The following GABRA1 variants were observed in gnomAD, a reference collection of about 807,000 sequenced individuals.
GABRA1 encodes the protein gamma-aminobutyric acid receptor subunit alpha-1.
A neutral mutation model predicts 48.9 loss-of-function variants in GABRA1; 9 were observed. That is an observed-to-expected ratio of 0.18 (90% confidence interval 0.11 to 0.32). The LOEUF (loss-of-function observed/expected upper bound fraction) is 0.32. GABRA1 is among the 10% of genes least tolerant of loss of function. The probability of loss-of-function intolerance (pLI) is 1.00; values close to 1 mark genes in which losing one functional copy is unlikely to be tolerated. For missense variants in GABRA1, 285 were observed against 553.8 expected (o/e 0.51, Z 4.87); for synonymous variants, 210 against 198.7 (o/e 1.06, Z -0.48).
At chr5:161,861,866 C>T (rs542009456) in intron 3 of GABRA1, among the ~76,000 whole-genome samples, 1 of 151,910 alleles carries the variant, frequency 6.6e-6, no homozygotes, top group African/African-American at 2.4e-5. Flanking sequence ...TAATATTAGT[C>T]CATTTAGTCT....
At chr5:161,854,513 A>T (rs1757572472) in intron 3 of GABRA1, among the ~76,000 whole-genome samples, 1 of 151,730 alleles carries the variant, frequency 6.6e-6, no homozygotes, top group Admixed American at 6.6e-5. Context: ...TTATATGATA[A>T]GCACAGTACT....
intron 4 of GABRA1, among the ~76,000 whole-genome samples, chr5:161,866,803 G>A (rs1394461329): frequency 6.6e-6 from 1 of 152,014 alleles, no homozygotes; most frequent in Non-Finnish European, 1.5e-5. Context: ...CTGGCCAAGA[G>A]GATAATCAGA....
At chr5:161,889,323 T>C (rs190699161) in intron 7 of GABRA1, among the ~76,000 whole-genome samples, 8 of 152,216 alleles carry the variant, frequency 5.3e-5, no homozygotes, top group South Asian at 2.1e-4. Flanking sequence ...CATTCTTCTT[T>C]ATTATCCCCA....
At chr5:161,850,081 T>TTGTGTGTG (rs61241552) in intron 1 of GABRA1, 5,173 of 147,836 alleles carry the variant, frequency 0.035, 121 homozygotes, top group South Asian at 0.11. Flanking sequence ...TTGTGTGCAT[T>TTGTGTGTG]TGTGTGTGTG....
chr5:161,896,315 T>G (rs543696771), intron 9 of GABRA1, among the ~76,000 whole-genome samples: 1 of 152,318 alleles, frequency 6.6e-6, no homozygotes, highest in Admixed American at 6.5e-5. Flanking sequence ...AAATTAAGTT[T>G]GCCACATGAA....
At chr5:161,860,853 A>G (rs148207659) in intron 3 of GABRA1, among the ~76,000 whole-genome samples, 7 of 151,918 alleles carry the variant, frequency 4.6e-5, no homozygotes, top group Middle Eastern at 6.8e-3. Context: ...GCACAGTATT[A>G]GTAAACAGCC....
At chr5:161,852,657 G>A (rs567513999) in intron 2 of GABRA1, among the ~76,000 whole-genome samples, 60 of 151,974 alleles carry the variant, frequency 3.9e-4, no homozygotes, top group African/African-American at 1.3e-3. Flanking sequence ...AAAACAGCAA[G>A]ATGTTTAATT....
intron 7 of GABRA1, among the ~76,000 whole-genome samples, chr5:161,887,407 C>T (rs1754896945): frequency 1.3e-5 from 2 of 151,602 alleles, no homozygotes; most frequent in South Asian, 4.2e-4. Flanking sequence ...ACATGGTCTC[C>T]AGAGAAATAA....
intron 6 of GABRA1, among the ~76,000 whole-genome samples, chr5:161,880,598 A>G (rs1023475073): frequency 6.6e-6 from 1 of 152,204 alleles, no homozygotes; most frequent in Admixed American, 6.5e-5. Flanking sequence ...TTTTTAGTTC[A>G]TTCTCTTAAA....
At position 161,897,733 on chromosome 5, in the gene GABRA1, T is replaced by G. The variant is rs1408290862; in HGVS notation, c.*311T>G. The G allele has an allele frequency of 1.0e-5, 3 of 289,448 alleles. No homozygotes were observed. Among genetic ancestry groups the G allele is most frequent in the Non-Finnish European group, 1.9e-5 (3 of 155,272 alleles). The allele number at this position is 289,448 out of a possible 1,614,324, so 17.9% of individuals were successfully genotyped here. A position where few individuals can be genotyped will look rare whatever the true frequency, so the allele number is the denominator to read the frequency against. On this transcript the variant is annotated 3_prime_UTR_variant, in exon 10 of 10. Transcript: ENST00000393943. ...GAAAAAGTAGAAAAAAAAATAACAC[T>G]TAACTAAAACCCCTAGGTCATTTGT...
chr5:161,864,207 T>C (rs1176681230), intron 3 of GABRA1, among the ~76,000 whole-genome samples: 2 of 152,054 alleles, frequency 1.3e-5, no homozygotes, highest in Non-Finnish European at 2.9e-5. Context: ...AATTTTTTTT[T>C]CTTTTATTAT....
At chr5:161,849,017 A>G (rs917802259) in intron 1 of GABRA1, 15 of 454,890 alleles carry the variant, frequency 3.3e-5, no homozygotes, top group African/African-American at 2.6e-4. Context: ...TTAGTCTTTG[A>G]TATGGATGGC....
At chr5:161,858,352 A>C (rs570743013) in intron 3 of GABRA1, among the ~76,000 whole-genome samples, 213 of 151,838 alleles carry the variant, frequency 1.4e-3, no homozygotes, top group Middle Eastern at 0.01. Flanking sequence ...CTTCCCCTGC[A>C]CTTTGGGCAT....
intron 7 of GABRA1, among the ~76,000 whole-genome samples, chr5:161,888,695 T>A (rs1036302912): frequency 2.0e-5 from 3 of 151,806 alleles, no homozygotes; most frequent in Non-Finnish European, 2.9e-5. Context: ...TATGTCCACA[T>A]GAGACTATAT....
At chr5:161,852,549 T>A (rs760239711) in intron 2 of GABRA1, among the ~76,000 whole-genome samples, 3 of 152,050 alleles carry the variant, frequency 2.0e-5, no homozygotes, top group Non-Finnish European at 2.9e-5. Flanking sequence ...TGAGTTTTTA[T>A]AAATAATTGC....
intron 3 of GABRA1, among the ~76,000 whole-genome samples, chr5:161,859,549 G>C (rs538776284): frequency 6.6e-6 from 1 of 151,710 alleles, no homozygotes; most frequent in African/African-American, 2.4e-5. Flanking sequence ...GTAAAATTTA[G>C]GTGACTCGAG....
At chr5:161,893,095 T>G (rs902369727) in intron 8 of GABRA1, among the ~76,000 whole-genome samples, 6 of 151,122 alleles carry the variant, frequency 4.0e-5, no homozygotes, top group African/African-American at 1.5e-4. Context: ...TTTTGTAGTA[T>G]GAGTACAACA....
chr5:161,871,125 C>A (rs1317890346), intron 4 of GABRA1, among the ~76,000 whole-genome samples: 1 of 152,072 alleles, frequency 6.6e-6, no homozygotes, highest in Non-Finnish European at 1.5e-5. Flanking sequence ...CAAGTCTTGA[C>A]ATAATTTTTT....
At chr5:161,860,788 G>A (rs10068911) in intron 3 of GABRA1, among the ~76,000 whole-genome samples, 48,704 of 151,464 alleles carry the variant, frequency 0.32, 9,804 homozygotes, top group African/African-American at 0.57. Flanking sequence ...CAAAAAATTA[G>A]AAATGAAACA....
Sources: allele counts gnomAD v4.1 joint callset (sites outside exome capture counted in the v4.1 genomes callset), GRCh38; gene constraint gnomAD v4.1.1; transcripts MANE v1.5; gene names NCBI Gene and HGNC (gene_info 2026-07-23, HGNC 2026-07-21).